The following AIFM1 variants were observed in gnomAD, a reference collection of about 807,000 sequenced individuals.
AIFM1 encodes the protein apoptosis inducing factor mitochondria associated 1, also known as apoptosis-inducing factor 1, mitochondrial.
AIFM1 carries 3 observed loss-of-function variants against 51.7 expected under a neutral mutation model. That is an observed-to-expected ratio of 0.06 (90% CI 0.03 to 0.15). AIFM1 has a LOEUF of 0.15. AIFM1 is among the 10% of genes least tolerant of loss of function. AIFM1 has a pLI of 1.00. For synonymous variants in AIFM1, 178 were observed against 179.4 expected, an observed-to-expected ratio of 0.99 and a Z score of 0.06; for missense variants, 330 against 476.8, an observed-to-expected ratio of 0.69 and a Z score of 2.87.
chrX:130,139,968 A>C, intron 7 of AIFM1, 97 bp from the exon 8 acceptor site: 1 of 750,294 alleles, frequency 1.3e-6, no homozygotes. Flanking sequence ...CTCTTCACTT[A>C]GCACCATGGC....
chrX:130,165,625 G>C lies in AIFM1; in HGVS notation c.32C>G (p.Ala11Gly). 2 of 1,201,347 alleles carry C rather than the reference G, an allele frequency of 1.7e-6. No homozygotes were observed. The change falls in exon 1 of 16, where the codon GCT becomes GGT. Residue 11 changes from alanine to glycine, a missense_variant. By Grantham distance (60) the Ala-to-Gly change is moderately conservative. Coordinates refer to ENST00000287295, the MANE Select transcript of AIFM1 (RefSeq NM_004208.4). MFRCGGLAAG[A>G]LKQKLVPLVR... Reference sequence around the variant, plus strand: ...CAAGGGCACCAGCTTCTGCTTCAAAGCACCCGCCGCCAGGCCTCCACACCG... The same window carrying C: ...CAAGGGCACCAGCTTCTGCTTCAAACCACCCGCCGCCAGGCCTCCACACCG...
At chrX:130,151,371 C>G (rs2030972272) in intron 2 of AIFM1, among the ~76,000 whole-genome samples, 1 of 110,981 alleles carries the variant, frequency 9.0e-6, no homozygotes, top group African/African-American at 3.3e-5. Context: ...GAACTCCTGA[C>G]CTTGTGATCC....
intron 2 of AIFM1, among the ~76,000 whole-genome samples, chrX:130,151,912 G>A (rs763222997): frequency 2.7e-5 from 3 of 110,008 alleles, no homozygotes; most frequent in East Asian, 5.7e-4. Flanking sequence ...GGTGGGGCAC[G>A]CCTGTAATCC....
intron 5 of AIFM1, among the ~76,000 whole-genome samples, chrX:130,146,185 C>G (rs1275200065): frequency 9.0e-6 from 1 of 111,453 alleles, no homozygotes; most frequent in Non-Finnish European, 1.9e-5. Flanking sequence ...GGTCTATAAC[C>G]CCAGTGCTTT....
intron 6 of AIFM1, among the ~76,000 whole-genome samples, chrX:130,142,226 C>T (rs927328633): frequency 9.0e-6 from 1 of 111,633 alleles, no homozygotes; most frequent in African/African-American, 3.3e-5. Flanking sequence ...GAACATATGA[C>T]ATGTGCAATC....
At chrX:130,147,697 G>A (rs1466756687) in intron 4 of AIFM1, 55 bp downstream of exon 4, 1 of 1,209,673 alleles carries the variant, frequency 8.3e-7, no homozygotes, top group East Asian at 3.0e-5. Flanking sequence ...ATTCACATTA[G>A]CTAAATGCTT....
Position 130,156,577 on chromosome X carries a change from G to A in AIFM1, c.133C>T (p.Pro45Ser), listed in dbSNP as rs2031170437. The A allele has an allele frequency of 8.3e-7, 1 of 1,211,413 alleles. No homozygotes were observed. Among genetic ancestry groups the A allele is most frequent in the Admixed American group, 2.2e-5 (1 of 45,950 alleles). ...TGTCTTGTCATCTGGAGTTCTAGAGGAACATGCCATCGCTGGAACAAGTTG... is the reference window on the plus strand; with the variant it reads ...TGTCTTGTCATCTGGAGTTCTAGAGAAACATGCCATCGCTGGAACAAGTTG... The part of the protein sequence containing the change: ...PGNLFQRWHV[P>S]LELQMTRQMA... Residue 45 changes from proline (P) to serine (S), a missense_variant, in exon 2 of 16, where the codon CCT (proline) becomes TCT (serine). Around this residue, in one of 4 missense-constraint regions of AIFM1, gnomAD observed 110 missense variants for 103.1 expected, o/e 1.07. Transcript: ENST00000287295.
At chrX:130,133,983 C>T (rs750485343) in intron 12 of AIFM1, among the ~76,000 whole-genome samples, 158 of 110,632 alleles carry the variant, frequency 1.4e-3, no homozygotes, top group Non-Finnish European at 2.4e-3. Context: ...TGGCAAATGC[C>T]CGTAATCCCA....
Position 130,130,067 on chromosome X carries a change from TC to T in AIFM1, c.1672del (p.Glu558ArgfsTer30). On this transcript the variant is annotated frameshift_variant, in exon 15 of 16. Transcript: ENST00000287295. LOFTEE classifies it high-confidence loss of function. ...GAAGATGACACCTTTGCCGTAGTCC[TC>T]CCCCTGGACGGGAGCCTGTGGAACT... ...PAVPQAPVQG[E>X]DYGKGVIFYL... The T allele has an allele frequency of 8.3e-7, 1 of 1,211,049 alleles. No individual in the cohort carries two copies.
intron 14 of AIFM1, among the ~76,000 whole-genome samples, chrX:130,130,805 G>A (rs189293016): frequency 8.9e-6 from 1 of 112,023 alleles, no homozygotes; most frequent in Admixed American, 9.5e-5. Context: ...AGAGAAAGAG[G>A]GGAAGGGAAG....
intron 1 of AIFM1, among the ~76,000 whole-genome samples, chrX:130,158,806 C>G (rs1361165729): frequency 9.2e-6 from 1 of 108,990 alleles, no homozygotes; most frequent in Non-Finnish European, 1.9e-5. Flanking sequence ...CAAGCTTAGT[C>G]TAGAGGCTGA....
At chrX:130,159,497 TCA>T (rs777140669) in intron 1 of AIFM1, among the ~76,000 whole-genome samples, 10 of 112,063 alleles carry the variant, frequency 8.9e-5, no homozygotes, top group Non-Finnish European at 1.5e-4. Context: ...GTGGTAACTC[TCA>T]GAGCTTAGAA....
chrX:130,154,259 ACCAG>A (rs1230590450), intron 2 of AIFM1, among the ~76,000 whole-genome samples: 3 of 112,118 alleles, frequency 2.7e-5, no homozygotes, highest in Non-Finnish European at 5.6e-5. Context: ...AGGAACAGTG[ACCAG>A]CCCTGTCTTG....
chrX:130,144,166 TTTC>T (rs1005037509), intron 6 of AIFM1, among the ~76,000 whole-genome samples: 17 of 111,501 alleles, frequency 1.5e-4, no homozygotes, highest in South Asian at 7.5e-4. Flanking sequence ...TACCTCTTAC[TTTC>T]TTCTTCTTCT....
intron 5 of AIFM1, 151 bp downstream of exon 5, chrX:130,147,342 T>G: frequency 1.5e-6 from 1 of 683,007 alleles, no homozygotes; most frequent in Non-Finnish European, 2.3e-6. Context: ...TAGACTGTTA[T>G]CTCTAAGCTG....
chrX:130,145,880 T>C (rs1163612926), intron 5 of AIFM1, among the ~76,000 whole-genome samples: 1 of 111,711 alleles, frequency 9.0e-6, no homozygotes, highest in Non-Finnish European at 1.9e-5. Flanking sequence ...CTAAACATCC[T>C]ATGATGCACT....
At chrX:130,161,017 T>C (rs1430100379) in intron 1 of AIFM1, among the ~76,000 whole-genome samples, 1 of 111,973 alleles carries the variant, frequency 8.9e-6, no homozygotes, top group East Asian at 2.8e-4. Flanking sequence ...TCAAACACCA[T>C]AGACCAGCAT....
intron 1 of AIFM1, among the ~76,000 whole-genome samples, chrX:130,161,513 GAA>G (rs777227605): frequency 8.9e-4 from 54 of 60,906 alleles, no homozygotes; most frequent in South Asian, 6.4e-3. Context: ...TCTGTTTGAA[GAA>G]AAAAAAAAAA....
chrX:130,132,648 C>T (rs768723563), intron 13 of AIFM1, among the ~76,000 whole-genome samples: 11 of 112,880 alleles, frequency 9.7e-5, no homozygotes, highest in African/African-American at 3.2e-4. Context: ...AGCAATCCCC[C>T]GGCCTTGGCC....
Sources: gnomAD v4.1 joint callset for allele counts (sites outside exome capture counted in the v4.1 genomes callset) on GRCh38, gnomAD v4.1.1 for gene constraint, gnomAD v4.1.1 regional missense constraint, MANE v1.5 for transcripts, NCBI Gene and HGNC (gene_info 2026-07-23, HGNC 2026-07-21) for gene names.